ZBTB7C: variants seen among roughly 807,000 people sequenced by gnomAD.
ZBTB7C encodes zinc finger and BTB domain containing 7C, also known as zinc finger and BTB domain-containing protein 7C.
ZBTB7C carries 8 observed loss-of-function variants against 25.7 expected under a neutral mutation model. That is an observed-to-expected ratio of 0.31 (90% confidence interval 0.18 to 0.56). The LOEUF (loss-of-function observed/expected upper bound fraction) is 0.56. Ranked by LOEUF, ZBTB7C falls within the 20% of genes least tolerant of loss-of-function variation. The pLI is 0.91. For missense variants in ZBTB7C, 824 were observed against 855.2 expected, an observed-to-expected ratio of 0.96 and a Z score of 0.46; for synonymous variants, 394 against 369.0, an observed-to-expected ratio of 1.07 and a Z score of -0.78.
At chr18:48,109,565 G>C (rs2039158229) in intron 3 of ZBTB7C, among the ~76,000 whole-genome samples, 1 of 152,114 alleles carries the variant, frequency 6.6e-6, no homozygotes, top group Non-Finnish European at 1.5e-5. Flanking sequence ...AAAAAAGTGA[G>C]ATAGAAAATT....
chr18:48,041,263 GC>G, intron 3 of ZBTB7C, 140 bp from the exon 4 acceptor site: 1 of 1,408,402 alleles, frequency 7.1e-7, no homozygotes, highest in South Asian at 1.7e-5. Context: ...TCTTAGCCTT[GC>G]CAAATCTCAC....
intron 1 of ZBTB7C, among the ~76,000 whole-genome samples, chr18:48,380,405 G>A (rs1003626480): frequency 1.3e-5 from 2 of 152,176 alleles, no homozygotes; most frequent in African/African-American, 4.8e-5. Flanking sequence ...AATAAGCAAA[G>A]GGAAGAGACT....
intron 3 of ZBTB7C, among the ~76,000 whole-genome samples, chr18:48,136,372 C>A (rs1417121621): frequency 6.6e-6 from 1 of 152,222 alleles, no homozygotes; most frequent in Non-Finnish European, 1.5e-5. Context: ...CCCACCCACC[C>A]AGCTCAGCGC....
chr18:48,247,673 T>C (rs572415443), intron 2 of ZBTB7C, among the ~76,000 whole-genome samples: 2 of 152,264 alleles, frequency 1.3e-5, no homozygotes, highest in African/African-American at 4.8e-5. Flanking sequence ...CCAAATCTCA[T>C]CTTGAATGTA....
chr18:48,329,338 T>C (rs2046294029), intron 2 of ZBTB7C, among the ~76,000 whole-genome samples: 1 of 152,230 alleles, frequency 6.6e-6, no homozygotes, highest in African/African-American at 2.4e-5. Flanking sequence ...CTGGTACTTT[T>C]TAACCTCCAT....
intron 2 of ZBTB7C, among the ~76,000 whole-genome samples, chr18:48,331,315 T>C (rs2046337764): frequency 6.6e-6 from 1 of 152,182 alleles, no homozygotes; most frequent in Non-Finnish European, 1.5e-5. Context: ...TTGGGCTTTA[T>C]GCTATACAAA....
At chr18:48,224,247 G>C (rs979340470) in intron 2 of ZBTB7C, among the ~76,000 whole-genome samples, 1 of 152,186 alleles carries the variant, frequency 6.6e-6, no homozygotes, top group African/African-American at 2.4e-5. Flanking sequence ...CATACTCATA[G>C]GCTCAGCACC....
chr18:48,255,340 T>C lies in ZBTB7C; in HGVS notation c.-78-69345A>G, dbSNP rs144042617. Among the ~76,000 whole-genome samples the C allele has an allele frequency of 4.5e-3, 688 of 152,254 alleles. 2 individuals are homozygous for C. Among genetic ancestry groups the C allele is most frequent in the African/African-American group, 0.016 (651 of 41,550 alleles). On this transcript the variant is annotated intron_variant, in intron 2 of 4. Transcript: ENST00000590800. ...AAGTTAAGATATAGAAAGTAAGATA[T>C]AAAAAGACTAAAACTTCTAGAGATG... is the stretch of plus-strand genomic sequence containing the variant.
chr18:48,073,416 G>T (rs2037629785), intron 3 of ZBTB7C, among the ~76,000 whole-genome samples: 1 of 152,134 alleles, frequency 6.6e-6, no homozygotes, highest in Admixed American at 6.5e-5. Flanking sequence ...CCCTGGCGGG[G>T]AGGGCGGGAG....
At chr18:48,137,592 T>C (rs930105067) in intron 3 of ZBTB7C, among the ~76,000 whole-genome samples, 2 of 152,364 alleles carry the variant, frequency 1.3e-5, no homozygotes, top group Admixed American at 1.3e-4. Context: ...ATATGTTTTC[T>C]CCTTACAGGG....
At chr18:48,060,147 G>T (rs564980628) in intron 3 of ZBTB7C, among the ~76,000 whole-genome samples, 1 of 152,240 alleles carries the variant, frequency 6.6e-6, no homozygotes, top group East Asian at 1.9e-4. Flanking sequence ...TAACCAGTGT[G>T]TAATAAAGCC....
At chr18:48,184,764 C>G (rs2042014371) in intron 3 of ZBTB7C, among the ~76,000 whole-genome samples, 2 of 152,026 alleles carry the variant, frequency 1.3e-5, no homozygotes, top group South Asian at 4.2e-4. Flanking sequence ...GATGTGGCCC[C>G]ATTACTGGCC....
At chr18:48,385,756 G>A (rs866188517) in intron 1 of ZBTB7C, among the ~76,000 whole-genome samples, 2 of 152,162 alleles carry the variant, frequency 1.3e-5, no homozygotes, top group South Asian at 2.1e-4. Context: ...TTGCCGAGTC[G>A]TGATTTGTGG....
At chr18:48,170,239 G>A (rs2041423491) in intron 3 of ZBTB7C, among the ~76,000 whole-genome samples, 1 of 152,220 alleles carries the variant, frequency 6.6e-6, no homozygotes, top group African/African-American at 2.4e-5. Context: ...TGAATGATGG[G>A]CACCTGCTTG....
At chr18:48,129,547 C>CA (rs2039920689) in intron 3 of ZBTB7C, among the ~76,000 whole-genome samples, 1 of 152,090 alleles carries the variant, frequency 6.6e-6, no homozygotes, top group South Asian at 2.1e-4. Context: ...AATCCCTATT[C>CA]AAGTGAAACT....
At chr18:48,137,293 C>T (rs763471796) in intron 3 of ZBTB7C, 90 of 985,372 alleles carry the variant, frequency 9.1e-5, no homozygotes, top group Non-Finnish European at 1.1e-4. Flanking sequence ...TTACGCTTCA[C>T]TTTATGACAC....
chr18:48,068,552 G>C lies in ZBTB7C; in HGVS notation c.-16-27429C>G, dbSNP rs1246493174. ...TCTAGACCCCAACCCCAGACAAGTTGAATTAGACTTTCTGGAAATGGAGCC... is the reference window on the plus strand; with the variant it reads ...TCTAGACCCCAACCCCAGACAAGTTCAATTAGACTTTCTGGAAATGGAGCC... On this transcript the variant is annotated intron_variant, in intron 3 of 4. Transcript: ENST00000590800. Among the ~76,000 whole-genome samples the C allele has an allele frequency of 1.3e-5, 2 of 151,988 alleles. 1 individual carries two copies. Among genetic ancestry groups the C allele is most frequent in the Middle Eastern group, 6.3e-3 (2 of 316 alleles).
chr18:48,239,924 G>T (rs1470342071), intron 2 of ZBTB7C, among the ~76,000 whole-genome samples: 1 of 152,000 alleles, frequency 6.6e-6, no homozygotes, highest in Non-Finnish European at 1.5e-5. Context: ...ACTCAAGGAG[G>T]AACTAGAGAA....
intron 2 of ZBTB7C, among the ~76,000 whole-genome samples, chr18:48,203,909 G>T (rs1034766447): frequency 6.6e-6 from 1 of 152,112 alleles, no homozygotes; most frequent in Non-Finnish European, 1.5e-5. Context: ...CTGAAGAGGG[G>T]GTGTCTCCTC....
Sources: gnomAD v4.1 joint callset for allele counts (sites outside exome capture counted in the v4.1 genomes callset) on GRCh38, gnomAD v4.1.1 for gene constraint, MANE v1.5 for transcripts, NCBI Gene and HGNC (gene_info 2026-07-23, HGNC 2026-07-21) for gene names.